The following SLC35F2 variants were observed in gnomAD, a reference collection of about 807,000 sequenced individuals.
The protein encoded by SLC35F2 is solute carrier family 35 member F2.
SLC35F2 carries 25 observed loss-of-function variants against 38.1 expected under a neutral mutation model. That is an observed-to-expected ratio of 0.66 (90% CI 0.48 to 0.92). SLC35F2 has a LOEUF of 0.92. SLC35F2 is among the 40% of genes least tolerant of loss of function. The probability of loss-of-function intolerance (pLI) is 0.00; values close to 1 mark genes in which losing one functional copy is unlikely to be tolerated. For synonymous variants in SLC35F2, 173 were observed against 181.7 expected (o/e 0.95, Z 0.38); for missense variants, 409 against 452.9 (o/e 0.90, Z 0.88).
chr11:107,809,329 CAAA>C (rs61511493), intron 3 of SLC35F2, among the ~76,000 whole-genome samples: 8 of 96,116 alleles, frequency 8.3e-5, no homozygotes, highest in Admixed American at 2.4e-4. Flanking sequence ...ACTCAAAATA[CAAA>C]AAAAAAAAAA....
At chr11:107,811,339 A>G (rs1401394991) in intron 3 of SLC35F2, 1 of 691,864 alleles carries the variant, frequency 1.4e-6, no homozygotes, top group Admixed American at 6.3e-5. Flanking sequence ...ACAAAGGTAT[A>G]CTTTCATATG....
chr11:107,840,247 T>C (rs1285523905), intron 1 of SLC35F2, among the ~76,000 whole-genome samples: 2 of 152,104 alleles, frequency 1.3e-5, no homozygotes, highest in Non-Finnish European at 2.9e-5. Flanking sequence ...AGCATAGGAT[T>C]AGGGTTGGTA....
intron 1 of SLC35F2, among the ~76,000 whole-genome samples, chr11:107,851,922 G>A (rs1043502432): frequency 9.9e-5 from 15 of 152,148 alleles, no homozygotes; most frequent in Non-Finnish European, 1.9e-4. Flanking sequence ...CTTCAGCAGG[G>A]ATACATACCA....
chr11:107,829,732 T>C (rs1859807554), intron 1 of SLC35F2, among the ~76,000 whole-genome samples: 1 of 149,914 alleles, frequency 6.7e-6, no homozygotes, highest in Non-Finnish European at 1.5e-5. Context: ...ATGGACCAGG[T>C]CCATGAAAAT....
rs571595266 is a variant in SLC35F2, at chr11:107,852,939, G to T, written c.110+5719C>A. 5.3e-5 allele frequency among the ~76,000 whole-genome samples: 8 copies of T among 151,556 alleles called. No individual in the cohort carries two copies. The South Asian group carries it at 1.7e-3, about 32-fold the overall frequency. ...CATGCTGATAATCCCAGCTACTCAG[G>T]AGGCTGAGACAGGAGACTCGCTTGA... is the stretch of plus-strand genomic sequence containing the variant. On this transcript the variant is annotated intron_variant, in intron 1 of 7. Coordinates refer to ENST00000525815, the MANE Select transcript of SLC35F2 (RefSeq NM_017515.5).
chr11:107,815,726 T>C (rs1482184178), intron 2 of SLC35F2, 64 bp downstream of exon 2: 21 of 1,527,364 alleles, frequency 1.4e-5, no homozygotes, highest in Non-Finnish European at 1.8e-5. Flanking sequence ...AGAGGTGTCA[T>C]ACTTTTCTAG....
intron 1 of SLC35F2, among the ~76,000 whole-genome samples, chr11:107,819,204 C>G (rs1265737832): frequency 2.0e-5 from 3 of 152,126 alleles, no homozygotes; most frequent in African/African-American, 7.2e-5. Context: ...CAGAATTGGA[C>G]GAGATGGTGT....
intron 3 of SLC35F2, chr11:107,811,032 C>T (rs950638477): frequency 2.0e-6 from 2 of 985,024 alleles, no homozygotes; most frequent in African/African-American, 1.7e-5. Context: ...TCACTTTCAC[C>T]TCCACTTATA....
At chr11:107,802,536 T>G (rs1388726741) in intron 7 of SLC35F2, among the ~76,000 whole-genome samples, 2 of 152,178 alleles carry the variant, frequency 1.3e-5, no homozygotes, top group Non-Finnish European at 2.9e-5. Context: ...AAAATTACTA[T>G]CAAAGACAGA....
intron 1 of SLC35F2, among the ~76,000 whole-genome samples, chr11:107,818,118 AAG>A (rs1491362239): frequency 6.8e-6 from 1 of 147,400 alleles, no homozygotes; most frequent in Non-Finnish European, 1.5e-5. Flanking sequence ...GAAAGAAAGA[AAG>A]AAAGAAAGAA....
At chr11:107,841,701 G>A (rs1860014609) in intron 1 of SLC35F2, among the ~76,000 whole-genome samples, 1 of 152,094 alleles carries the variant, frequency 6.6e-6, no homozygotes, top group Non-Finnish European at 1.5e-5. Context: ...GCCGGGCGCA[G>A]TGGCTCACAC....
chr11:107,844,365 C>T (rs991727991), intron 1 of SLC35F2, among the ~76,000 whole-genome samples: 3 of 152,120 alleles, frequency 2.0e-5, no homozygotes, highest in Admixed American at 2.0e-4. Flanking sequence ...CGGTGGCTCC[C>T]GCCTATAATC....
At chr11:107,850,242 G>A (rs927994970) in intron 1 of SLC35F2, among the ~76,000 whole-genome samples, 8 of 152,184 alleles carry the variant, frequency 5.3e-5, no homozygotes, top group Non-Finnish European at 1.0e-4. Context: ...GGACATGTAT[G>A]AGAGTGGTCA....
At chr11:107,826,630 T>C (rs560655647) in intron 1 of SLC35F2, among the ~76,000 whole-genome samples, 3 of 152,342 alleles carry the variant, frequency 2.0e-5, no homozygotes, top group South Asian at 4.1e-4. Flanking sequence ...CCTTGTTTTA[T>C]AGATTTGCCT....
rs757897109 is a variant in SLC35F2, at chr11:107,806,653, T to C, written c.574+64A>G. On this transcript the variant is annotated intron_variant, in intron 4 of 7. Coordinates refer to ENST00000525815, the MANE Select transcript of SLC35F2 (RefSeq NM_017515.5). ...TCCAGTAAACAAGTTTCTTTGTTGA[T>C]ATAAAAGTGAAAACATAAACAAATT... 15 of 1,445,988 alleles carry C rather than the reference T, an allele frequency of 1.0e-5. No homozygotes were observed. In the African/African-American group the frequency reaches 1.6e-4, roughly 15 times the overall value. The allele number at this position is 1,445,988 out of a possible 1,614,324, so 89.6% of individuals were successfully genotyped here. A position where few individuals can be genotyped will look rare whatever the true frequency, so the allele number is the denominator to read the frequency against.
At chr11:107,852,356 C>A (rs1406154838) in intron 1 of SLC35F2, among the ~76,000 whole-genome samples, 1 of 152,004 alleles carries the variant, frequency 6.6e-6, no homozygotes, top group African/African-American at 2.4e-5. Flanking sequence ...TTGAGATCAG[C>A]CTGGCCAACA....
chr11:107,793,204 C>T (rs1409603359), intron 7 of SLC35F2, among the ~76,000 whole-genome samples: 4 of 152,190 alleles, frequency 2.6e-5, no homozygotes, highest in Non-Finnish European at 4.4e-5. Flanking sequence ...AGGCGTGGGC[C>T]GCCATGCCTG....
At position 107,800,602 on chromosome 11, in the gene SLC35F2, C is replaced by T. The variant is rs144901702; in HGVS notation, c.939+2399G>A. On this transcript the variant is annotated intron_variant, in intron 7 of 7. Coordinates refer to ENST00000525815, the MANE Select transcript of SLC35F2 (RefSeq NM_017515.5). ...AGGCACACTGAGAAAAGACAGGTCT[C>T]GCTCTGTCAGCCAGGCTGGAGTGCA... 1.1e-4 allele frequency among the ~76,000 whole-genome samples: 17 copies of T among 152,084 alleles called. No homozygotes were observed. The East Asian group carries it at 2.7e-3, about 24-fold the overall frequency.
At chr11:107,812,473 TC>T (rs998870995) in intron 2 of SLC35F2, among the ~76,000 whole-genome samples, 11 of 149,972 alleles carry the variant, frequency 7.3e-5, no homozygotes, top group African/African-American at 2.7e-4. Context: ...GCCCAGGATT[TC>T]AAGACCAGCT....
Sources: gnomAD v4.1 joint callset for allele counts (sites outside exome capture counted in the v4.1 genomes callset) on GRCh38, gnomAD v4.1.1 for gene constraint, MANE v1.5 for transcripts, NCBI Gene and HGNC (gene_info 2026-07-23, HGNC 2026-07-21) for gene names.